The following ZFHX3 variants were observed in gnomAD, a reference collection of about 807,000 sequenced individuals.
ZFHX3 encodes zinc finger homeobox 3, also known as zinc finger homeobox protein 3.
A neutral mutation model predicts 279.1 loss-of-function variants in ZFHX3; 42 were observed. That is an observed-to-expected ratio of 0.15 (90% CI 0.12 to 0.19). ZFHX3 has a LOEUF of 0.19. Ranked by LOEUF, ZFHX3 falls within the 10% of genes least tolerant of loss-of-function variation. ZFHX3 has a pLI of 1.00. For missense variants in ZFHX3, 4,981 were observed against 4,754.0 expected, an observed-to-expected ratio of 1.05 and a Z score of -1.40; for synonymous variants, 2,293 against 1,957.8, an observed-to-expected ratio of 1.17 and a Z score of -4.52.
At chr16:72,832,125 A>T (rs1195890259) in intron 4 of ZFHX3, among the ~76,000 whole-genome samples, 1 of 152,188 alleles carries the variant, frequency 6.6e-6, no homozygotes, top group Non-Finnish European at 1.5e-5. Context: ...GCTGCTCAGC[A>T]GACATGGGAA....
In ZFHX3 at chr16:72,986,104, C is replaced by T. The variant is rs114538581; in HGVS notation, c.-49-25910G>A. Among the ~76,000 whole-genome samples the T allele has an allele frequency of 2.0e-3, 308 of 151,888 alleles. 3 individuals carry two copies. Among genetic ancestry groups the T allele is most frequent in the African/African-American group, 7.0e-3 (288 of 41,438 alleles). On this transcript the variant is annotated intron_variant, in intron 1 of 9. Coordinates refer to ENST00000268489, the MANE Select transcript of ZFHX3 (RefSeq NM_006885.4). ...CCAAAAAGCAGGCCTCACCCCTGGG[C>T]GGTTAACATGTTCTTCCCAGGGACA... is the stretch of plus-strand genomic sequence containing the variant.
intron 4 of ZFHX3, among the ~76,000 whole-genome samples, chr16:72,846,564 A>T (rs2037485738): frequency 6.6e-6 from 1 of 152,170 alleles, no homozygotes; most frequent in South Asian, 2.1e-4. Flanking sequence ...TGGTCCTGAG[A>T]CCCACCACTC....
chr16:72,883,342 A>G (rs776988309), intron 4 of ZFHX3, among the ~76,000 whole-genome samples: 4 of 152,192 alleles, frequency 2.6e-5, no homozygotes, highest in Non-Finnish European at 5.9e-5. Flanking sequence ...CATCTCCATG[A>G]ACAAAAGACA....
intron 3 of ZFHX3, among the ~76,000 whole-genome samples, chr16:72,894,950 T>C (rs767528696): frequency 6.6e-6 from 1 of 152,320 alleles, no homozygotes; most frequent in South Asian, 2.1e-4. Context: ...TACTCTCCTT[T>C]GTTGGGTCAG....
chr16:73,127,869 A>T (rs542536662), intron 7 of ZFHX3, among the ~76,000 whole-genome samples: 6 of 152,198 alleles, frequency 3.9e-5, no homozygotes, highest in Non-Finnish European at 8.8e-5. Flanking sequence ...TTTTTCTTGA[A>T]TTAGATGTGA....
intron 4 of ZFHX3, among the ~76,000 whole-genome samples, chr16:72,861,296 C>T (rs552439390): frequency 4.6e-5 from 7 of 152,328 alleles, no homozygotes; most frequent in Non-Finnish European, 1.0e-4. Flanking sequence ...CACTAAGCAT[C>T]GGGTGGAAAT....
intron 7 of ZFHX3, among the ~76,000 whole-genome samples, chr16:73,094,148 A>G (rs1966127811): frequency 6.6e-6 from 1 of 152,064 alleles, no homozygotes; most frequent in Non-Finnish European, 1.5e-5. Context: ...CTTCCAATAT[A>G]CCTTTGAAAA....
At chr16:73,504,087 T>C (rs2019282179) in intron 2 of ZFHX3, among the ~76,000 whole-genome samples, 1 of 152,072 alleles carries the variant, frequency 6.6e-6, no homozygotes, top group South Asian at 2.1e-4. Flanking sequence ...AATGGAAAAA[T>C]AGCTACAGTT....
chr16:73,534,038 C>A (rs1361551810), intron 2 of ZFHX3, among the ~76,000 whole-genome samples: 8 of 152,154 alleles, frequency 5.3e-5, no homozygotes, highest in African/African-American at 1.2e-4. Flanking sequence ...TCATGTTACT[C>A]CTCTGCTCAA....
At chr16:73,184,785 A>G (rs1346576501) in intron 5 of ZFHX3, among the ~76,000 whole-genome samples, 1 of 152,210 alleles carries the variant, frequency 6.6e-6, no homozygotes, top group Non-Finnish European at 1.5e-5. Flanking sequence ...AAAAATGTCA[A>G]ACGTAAACCT....
chr16:73,713,046 G>C (rs2053379813), intron 1 of ZFHX3, among the ~76,000 whole-genome samples: 1 of 152,148 alleles, frequency 6.6e-6, no homozygotes, highest in South Asian at 2.1e-4. Context: ...ACCTGGAGTG[G>C]AATTAGACAC....
At chr16:73,771,321 G>T (rs1048466259) in intron 1 of ZFHX3, among the ~76,000 whole-genome samples, 6 of 152,104 alleles carry the variant, frequency 3.9e-5, no homozygotes, top group Non-Finnish European at 7.4e-5. Context: ...GGAGATCCTG[G>T]TGATGGCGCC....
chr16:73,072,656 C>A (rs533659237), intron 8 of ZFHX3, among the ~76,000 whole-genome samples: 2 of 152,246 alleles, frequency 1.3e-5, no homozygotes, highest in East Asian at 3.9e-4. Flanking sequence ...CCTCCAACAC[C>A]TGGGCTGAAG....
intron 1 of ZFHX3, among the ~76,000 whole-genome samples, chr16:73,856,938 C>T (rs968832732): frequency 3.9e-5 from 6 of 152,180 alleles, no homozygotes; most frequent in Admixed American, 1.3e-4. Context: ...TGATCAGGAA[C>T]GAATGTCCAA....
At chr16:73,752,509 G>A (rs951922171) in intron 1 of ZFHX3, among the ~76,000 whole-genome samples, 5 of 152,056 alleles carry the variant, frequency 3.3e-5, no homozygotes, top group African/African-American at 4.8e-5. Flanking sequence ...TCCCTGTGTT[G>A]GTTTTCTTCT....
chr16:73,490,224 T>A (rs767629384), intron 2 of ZFHX3, among the ~76,000 whole-genome samples: 4 of 152,228 alleles, frequency 2.6e-5, no homozygotes, highest in Non-Finnish European at 5.9e-5. Flanking sequence ...CATCAGCTGC[T>A]TCATCTACTG....
intron 4 of ZFHX3, among the ~76,000 whole-genome samples, chr16:73,288,675 G>T (rs149698986): frequency 6.6e-6 from 1 of 152,000 alleles, no homozygotes; most frequent in Non-Finnish European, 1.5e-5. Flanking sequence ...AGATGTCTTG[G>T]ACTGCTTCGT....
chr16:73,349,821 C>T (rs2016202711), intron 3 of ZFHX3, among the ~76,000 whole-genome samples: 1 of 143,412 alleles, frequency 7.0e-6, no homozygotes, highest in South Asian at 2.4e-4. Flanking sequence ...CCCTCCTTCC[C>T]TCCCTTTCTC....
At chr16:73,867,462 C>T (rs544082717) in intron 1 of ZFHX3, among the ~76,000 whole-genome samples, 18 of 152,250 alleles carry the variant, frequency 1.2e-4, no homozygotes, top group African/African-American at 2.6e-4. Context: ...AAAAGGACCA[C>T]GGAGGTGACC....
Sources: gnomAD v4.1 joint callset for allele counts (sites outside exome capture counted in the v4.1 genomes callset) on GRCh38, gnomAD v4.1.1 for gene constraint, MANE v1.5 for transcripts, NCBI Gene and HGNC (gene_info 2026-07-23, HGNC 2026-07-21) for gene names.